Variants in KCNMB2 observed in about 807,000 individuals in gnomAD.
The protein encoded by KCNMB2 is calcium-activated potassium channel subunit beta-2.
A neutral mutation model predicts 24.5 loss-of-function variants in KCNMB2; 9 were observed. The ratio of observed to expected loss-of-function variants is 0.37; its 90% confidence interval spans 0.22 to 0.64. The LOEUF (loss-of-function observed/expected upper bound fraction) is 0.64, where lower values mean the gene tolerates loss of function less well. KCNMB2 is among the 30% of genes least tolerant of loss of function. The probability of loss-of-function intolerance (pLI) is 0.63; values close to 1 mark genes in which losing one functional copy is unlikely to be tolerated. For synonymous variants in KCNMB2, 109 were observed against 104.4 expected, an observed-to-expected ratio of 1.04 and a Z score of -0.27; for missense variants, 226 against 284.3, an observed-to-expected ratio of 0.79 and a Z score of 1.47.
chr3:178,633,898 C>T (rs1408326145), intron 1 of KCNMB2, among the ~76,000 whole-genome samples: 1 of 152,230 alleles, frequency 6.6e-6, no homozygotes, highest in Non-Finnish European at 1.5e-5. Flanking sequence ...TACCTTAAAT[C>T]ATATCTCTCA....
chr3:178,825,618 C>T lies in KCNMB2; in HGVS notation c.87C>T (p.Asp29=). The change falls in exon 3 of 5, where the codon GAC becomes GAT. Residue 29 remains aspartate, a synonymous_variant. Coordinates refer to ENST00000452583, the MANE Select transcript of KCNMB2 (RefSeq NM_181361.3). The part of the protein sequence containing the change: ...RNIYQKIRDH[D]LLDKRKTVTA... ...TTTACCAGAAAATCAGGGACCATGACCTCCTGGACAAAAGGAAAACAGTCA... is the reference window on the plus strand; with the variant it reads ...TTTACCAGAAAATCAGGGACCATGATCTCCTGGACAAAAGGAAAACAGTCA... 1 of 1,613,656 alleles carries T rather than the reference C, an allele frequency of 6.2e-7. No homozygotes were observed. Among genetic ancestry groups the T allele is most frequent in the South Asian group, 1.1e-5 (1 of 91,046 alleles).
chr3:178,693,873 C>T (rs1235083463), intron 1 of KCNMB2, among the ~76,000 whole-genome samples: 1 of 138,020 alleles, frequency 7.2e-6, no homozygotes, highest in East Asian at 2.1e-4. Context: ...CCATCTGGTC[C>T]TGGGCTTTTT....
chr3:178,792,581 T>C (rs1713367267), intron 1 of KCNMB2, among the ~76,000 whole-genome samples: 1 of 151,976 alleles, frequency 6.6e-6, no homozygotes, highest in African/African-American at 2.4e-5. Flanking sequence ...AATAATAACA[T>C]TGGATGGAAA....
intron 1 of KCNMB2, among the ~76,000 whole-genome samples, chr3:178,760,280 C>CTA (rs561543716): frequency 3.0e-5 from 2 of 67,676 alleles, no homozygotes; most frequent in African/African-American, 5.3e-5. Flanking sequence ...GAGGATATAT[C>CTA]TATATATAGA....
intron 1 of KCNMB2, among the ~76,000 whole-genome samples, chr3:178,546,716 C>T (rs1715786192): frequency 6.6e-6 from 1 of 152,208 alleles, no homozygotes; most frequent in Non-Finnish European, 1.5e-5. Flanking sequence ...CCTTACAGGT[C>T]ACACGAATGA....
intron 1 of KCNMB2, among the ~76,000 whole-genome samples, chr3:178,669,943 C>T (rs911988068): frequency 6.6e-6 from 1 of 151,802 alleles, no homozygotes; most frequent in African/African-American, 2.4e-5. Flanking sequence ...GGATATACAG[C>T]CAAGAAAAGT....
intron 1 of KCNMB2, among the ~76,000 whole-genome samples, chr3:178,603,575 C>T (rs973831125): frequency 2.6e-5 from 4 of 152,106 alleles, no homozygotes; most frequent in African/African-American, 9.7e-5. Flanking sequence ...TAGAAGAGAA[C>T]ATTTCCAGGA....
intron 1 of KCNMB2, among the ~76,000 whole-genome samples, chr3:178,580,716 G>A (rs1252540947): frequency 1.3e-5 from 2 of 151,840 alleles, no homozygotes; most frequent in African/African-American, 4.8e-5. Context: ...ATTTCTATAC[G>A]CCAATAATAG....
intron 1 of KCNMB2, among the ~76,000 whole-genome samples, chr3:178,642,876 A>G (rs1032387729): frequency 1.3e-5 from 2 of 152,210 alleles, no homozygotes; most frequent in African/African-American, 4.8e-5. Context: ...GTGGATTTCA[A>G]TCAGAAGGTC....
At chr3:178,729,987 A>G (rs1207094908) in intron 1 of KCNMB2, among the ~76,000 whole-genome samples, 1 of 152,218 alleles carries the variant, frequency 6.6e-6, no homozygotes, top group African/African-American at 2.4e-5. Flanking sequence ...GAGATTGACA[A>G]AATAGCCGTA....
chr3:178,753,616 G>C (rs530749384), intron 1 of KCNMB2, among the ~76,000 whole-genome samples: 78 of 152,168 alleles, frequency 5.1e-4, no homozygotes, highest in African/African-American at 1.8e-3. Context: ...GGAGCACAAA[G>C]TTATTGGGAG....
At chr3:178,542,106 G>A (rs947048586) in intron 1 of KCNMB2, among the ~76,000 whole-genome samples, 2 of 152,166 alleles carry the variant, frequency 1.3e-5, no homozygotes, top group Non-Finnish European at 2.9e-5. Context: ...CCAAGTGTGC[G>A]CTCACCATTG....
intron 2 of KCNMB2, among the ~76,000 whole-genome samples, chr3:178,821,203 C>T (rs1714611838): frequency 6.6e-6 from 1 of 152,050 alleles, no homozygotes; most frequent in Non-Finnish European, 1.5e-5. Context: ...ACAGAAAGAA[C>T]CAAAGGGTGA....
At chr3:178,803,138 C>T (rs7649628) in intron 1 of KCNMB2, among the ~76,000 whole-genome samples, 74,304 of 151,970 alleles carry the variant, frequency 0.49, 19,261 homozygotes, top group African/African-American at 0.68. Context: ...ATTTTTACAG[C>T]TGAGGAAACA....
intron 1 of KCNMB2, among the ~76,000 whole-genome samples, chr3:178,716,111 T>G (rs1159631728): frequency 1.3e-5 from 2 of 152,242 alleles, no homozygotes; most frequent in East Asian, 3.8e-4. Context: ...TTCTTCTGAA[T>G]TAACAGAATT....
At chr3:178,667,488 C>G (rs1031312301) in intron 1 of KCNMB2, among the ~76,000 whole-genome samples, 2 of 152,110 alleles carry the variant, frequency 1.3e-5, no homozygotes, top group Non-Finnish European at 2.9e-5. Flanking sequence ...AATGCTGATG[C>G]CTTGATCTTA....
intron 1 of KCNMB2, among the ~76,000 whole-genome samples, chr3:178,681,562 G>A (rs1232294175): frequency 1.3e-5 from 2 of 152,176 alleles, no homozygotes; most frequent in Non-Finnish European, 2.9e-5. Flanking sequence ...TGAAAGGTGG[G>A]CAAGATAATG....
chr3:178,677,384 G>C (rs933421519), intron 1 of KCNMB2, among the ~76,000 whole-genome samples: 15 of 152,146 alleles, frequency 9.9e-5, no homozygotes, highest in African/African-American at 3.6e-4. Context: ...GTCATGTAAA[G>C]GACAAGAGAC....
At chr3:178,668,332 G>A (rs747363988) in intron 1 of KCNMB2, among the ~76,000 whole-genome samples, 3 of 152,106 alleles carry the variant, frequency 2.0e-5, no homozygotes, top group Non-Finnish European at 2.9e-5. Context: ...AGAAGATAAA[G>A]AAGTTTGCTG....
Sources: gnomAD v4.1 joint callset for allele counts (sites outside exome capture counted in the v4.1 genomes callset) on GRCh38, gnomAD v4.1.1 for gene constraint, MANE v1.5 for transcripts, NCBI Gene and HGNC (gene_info 2026-07-23, HGNC 2026-07-21) for gene names.